NSUN6: variants seen among roughly 807,000 people sequenced by gnomAD.
NSUN6 encodes the protein tRNA (cytosine(72)-C(5))-methyltransferase NSUN6.
NSUN6 carries 64 observed loss-of-function variants against 58.0 expected under a neutral mutation model. The ratio of observed to expected loss-of-function variants is 1.10; its 90% CI spans 0.90 to 1.36. The LOEUF is 1.36. NSUN6 is among the 40% of genes most tolerant of loss of function. NSUN6 has a pLI of 0.00. For synonymous variants in NSUN6, 231 were observed against 193.9 expected, an observed-to-expected ratio of 1.19 and a Z score of -1.59; for missense variants, 701 against 550.1, an observed-to-expected ratio of 1.27 and a Z score of -2.74.
chr10:18,616,162 C>A (rs780527095), intron 4 of NSUN6, 22 bp downstream of exon 4: 1 of 1,277,604 alleles, frequency 7.8e-7, no homozygotes, highest in South Asian at 1.2e-5. Flanking sequence ...ACCTTAAAGA[C>A]AAATCTAAAC....
At chr10:18,647,935 C>T (rs926891054) in intron 2 of NSUN6, among the ~76,000 whole-genome samples, 5 of 152,020 alleles carry the variant, frequency 3.3e-5, no homozygotes, top group African/African-American at 1.2e-4. Context: ...GACAGGGTTT[C>T]GCCATACTGG....
intron 2 of NSUN6, among the ~76,000 whole-genome samples, chr10:18,647,271 A>C (rs561938146): frequency 6.6e-6 from 1 of 152,330 alleles, no homozygotes; most frequent in Admixed American, 6.5e-5. Flanking sequence ...TGACAAATGG[A>C]AACCCTTTAA....
intron 8 of NSUN6, among the ~76,000 whole-genome samples, chr10:18,581,406 T>A (rs969291397): frequency 2.6e-5 from 4 of 152,084 alleles, no homozygotes; most frequent in Non-Finnish European, 5.9e-5. Context: ...ACTGCTACAC[T>A]CCCACTGGCA....
intron 8 of NSUN6, among the ~76,000 whole-genome samples, chr10:18,566,196 C>T (rs1199323177): frequency 6.7e-6 from 1 of 149,996 alleles, no homozygotes; most frequent in Non-Finnish European, 1.5e-5. Context: ...ATTCTCCATT[C>T]TTCATTCTAT....
intron 3 of NSUN6, among the ~76,000 whole-genome samples, chr10:18,619,617 A>T (rs1235845279): frequency 6.6e-6 from 1 of 152,164 alleles, no homozygotes; most frequent in Non-Finnish European, 1.5e-5. Context: ...TTTGTGGCCT[A>T]CTATGTTCTT....
chr10:18,632,665 T>C (rs1023073410), intron 3 of NSUN6, among the ~76,000 whole-genome samples: 1 of 152,176 alleles, frequency 6.6e-6, no homozygotes. Flanking sequence ...ATGCTCACCA[T>C]CACTGGCCAT....
At chr10:18,636,802 C>T (rs1403546808) in intron 3 of NSUN6, among the ~76,000 whole-genome samples, 1 of 151,790 alleles carries the variant, frequency 6.6e-6, no homozygotes, top group Non-Finnish European at 1.5e-5. Context: ...TGAGGCAGAA[C>T]TGCTTGAACC....
chr10:18,568,394 CCATTCTCCATTCCATTCCATTCTCCATTT>C (rs1366985419), intron 8 of NSUN6, among the ~76,000 whole-genome samples: 2 of 99,114 alleles, frequency 2.0e-5, no homozygotes, highest in South Asian at 8.2e-4. Flanking sequence ...TTTCTCCATT[CCATTCTCCATTCCATTCCATTCTCCATTT>C]CATTCCATTG....
rs760012828 is a variant in NSUN6, at chr10:18,604,635, G to A, written c.657+5210C>T. The stretch of plus-strand genomic sequence containing the variant: ...ATGGTGGCTCACACCTGTAATCCCA[G>A]CACTTTGGGAGGTTGAGGCGGGTGG... On this transcript the variant is annotated intron_variant, in intron 6 of 10. Coordinates refer to ENST00000377304, the MANE Select transcript of NSUN6 (RefSeq NM_182543.5). 6.6e-4 allele frequency among the ~76,000 whole-genome samples: 101 copies of A among 152,032 alleles called. 1 individual carries two copies. Among genetic ancestry groups the A allele is most frequent in the Non-Finnish European group, 1.9e-4 (13 of 68,018 alleles).
At chr10:18,611,885 A>G (rs1010547544) in intron 5 of NSUN6, among the ~76,000 whole-genome samples, 1 of 152,158 alleles carries the variant, frequency 6.6e-6, no homozygotes, top group African/African-American at 2.4e-5. Flanking sequence ...CAGTTCTAAC[A>G]GCATTTAGCA....
Position 18,545,793 on chromosome 10 carries a change from G to A in NSUN6, c.*140C>T. ...ACTTCCTCTATGTCTCTGGATCCCT[G>A]GTAAAACAGCTGGCAGCCTTTTCTG... On this transcript the variant is annotated 3_prime_UTR_variant, in exon 11 of 11. Transcript: ENST00000377304. 1 of 644,930 alleles carries A rather than the reference G, an allele frequency of 1.6e-6. No homozygotes were observed. The highest frequency in any genetic ancestry group is 2.9e-5 in the Admixed American group (1 of 34,218). 40.0% of individuals were successfully genotyped at this position (644,930 alleles called of 1,614,324 possible).
chr10:18,628,948 A>G (rs2058928429), intron 3 of NSUN6, among the ~76,000 whole-genome samples: 1 of 152,156 alleles, frequency 6.6e-6, no homozygotes, highest in Non-Finnish European at 1.5e-5. Flanking sequence ...AAGACACATA[A>G]TTGTCAGATT....
chr10:18,583,126 A>G (rs1293953846), intron 8 of NSUN6, among the ~76,000 whole-genome samples: 1 of 152,172 alleles, frequency 6.6e-6, no homozygotes, highest in African/African-American at 2.4e-5. Context: ...TACTATTGTG[A>G]CGTGTCCCTG....
intron 6 of NSUN6, among the ~76,000 whole-genome samples, chr10:18,597,377 T>C (rs1465916477): frequency 1.3e-5 from 2 of 152,216 alleles, no homozygotes; most frequent in Non-Finnish European, 2.9e-5. Flanking sequence ...TAAGCTGGGT[T>C]CAAATTTGGG....
At chr10:18,626,162 G>C (rs1356645924) in intron 3 of NSUN6, among the ~76,000 whole-genome samples, 1 of 151,742 alleles carries the variant, frequency 6.6e-6, no homozygotes, top group African/African-American at 2.4e-5. Context: ...GTGCCATAAG[G>C]ACCGAAAGCA....
At chr10:18,652,870 T>C, upstream of NSUN6, 1 of 982,886 alleles carries the variant, frequency 1.0e-6, no homozygotes, top group Non-Finnish European at 1.2e-6. Flanking sequence ...ATTTTCTCTG[T>C]TTTAAAGAGT....
intron 2 of NSUN6, among the ~76,000 whole-genome samples, chr10:18,645,114 C>T (rs572045585): frequency 7.4e-5 from 11 of 147,950 alleles, no homozygotes; most frequent in Admixed American, 4.8e-4. Context: ...GCTGAGATCG[C>T]GCCATTGCAC....
intron 3 of NSUN6, among the ~76,000 whole-genome samples, chr10:18,640,165 C>T (rs2059347884): frequency 1.3e-5 from 2 of 152,248 alleles, no homozygotes; most frequent in South Asian, 4.1e-4. Flanking sequence ...AAGCAAATTG[C>T]AGAACATTGT....
upstream of NSUN6, chr10:18,654,906 G>T (rs2059761615): frequency 5.2e-6 from 1 of 193,444 alleles, no homozygotes; most frequent in African/African-American, 2.4e-5. Flanking sequence ...TAAAAAGTCT[G>T]GAAAGTAAAG....
Sources: gnomAD v4.1 joint callset for allele counts (sites outside exome capture counted in the v4.1 genomes callset) on GRCh38, gnomAD v4.1.1 for gene constraint, MANE v1.5 for transcripts, NCBI Gene and HGNC (gene_info 2026-07-23, HGNC 2026-07-21) for gene names.